SORT1: variants seen among roughly 807,000 people sequenced by gnomAD.
SORT1 encodes sortilin.
Under a neutral mutation model 101.7 loss-of-function variants are expected in SORT1, and 39 were observed. The ratio of observed to expected loss-of-function variants is 0.38; its 90% CI spans 0.30 to 0.50. SORT1 has a LOEUF of 0.50. SORT1 is among the 20% of genes least tolerant of loss of function. The pLI, the probability that SORT1 is intolerant of heterozygous loss-of-function variation, is 0.90. For missense variants in SORT1, 878 were observed against 1,040.4 expected, an observed-to-expected ratio of 0.84 and a Z score of 2.15; for synonymous variants, 396 against 393.7, an observed-to-expected ratio of 1.01 and a Z score of -0.07.
chr1:109,373,676 A>C (rs1457601823), intron 1 of SORT1, among the ~76,000 whole-genome samples: 3 of 152,224 alleles, frequency 2.0e-5, no homozygotes, highest in South Asian at 4.1e-4. Flanking sequence ...CAAGACCCAA[A>C]AGGATCAAAC....
chr1:109,324,978 A>T lies in SORT1; in HGVS notation c.1755T>A (p.Ile585=). 1.2e-6 allele frequency: 2 copies of T among 1,613,740 alleles called. No homozygotes were observed. The highest frequency in any genetic ancestry group is 1.7e-6 in the Non-Finnish European group (2 of 1,179,682). Reference sequence around the variant, plus strand: ...TCAGGAAAGATTCTGTGAAGCCCCAAATGCTGATATTCATGGACCTAGCTC... The same window carrying T: ...TCAGGAAAGATTCTGTGAAGCCCCATATGCTGATATTCATGGACCTAGCTC... ...EPGARSMNIS[I]WGFTESFLTS... The change falls in exon 14 of 20, where the codon ATT becomes ATA. Residue 585 remains isoleucine, a synonymous_variant. Coordinates refer to ENST00000256637, the MANE Select transcript of SORT1 (RefSeq NM_002959.7).
chr1:109,369,694 A>G, intron 1 of SORT1, 105 bp from the exon 2 acceptor site: 1 of 789,084 alleles, frequency 1.3e-6, no homozygotes, highest in Non-Finnish European at 2.2e-6. Flanking sequence ...AATTAAGTTC[A>G]TAATTACAAA....
chr1:109,364,203 C>G (rs182113814), intron 3 of SORT1, among the ~76,000 whole-genome samples: 1 of 152,174 alleles, frequency 6.6e-6, no homozygotes, highest in East Asian at 1.9e-4. Context: ...GGGTTTTTCA[C>G]AAGACTAGAC....
intron 5 of SORT1, among the ~76,000 whole-genome samples, chr1:109,353,032 G>C (rs1444382385): frequency 1.4e-5 from 1 of 70,020 alleles, no homozygotes; most frequent in East Asian, 2.4e-3. Context: ...TCCACTGCTA[G>C]GCTAACTCTG....
rs1653279991 is a variant in SORT1 at position 109,397,711 on chromosome 1, C to G, written c.182G>C (p.Arg61Pro). The G allele has an allele frequency of 8.4e-7, 1 of 1,192,270 alleles. No individual in the cohort carries two copies. Among genetic ancestry groups the G allele is most frequent in the Admixed American group, 4.8e-5 (1 of 20,786 alleles). 73.9% of individuals were successfully genotyped at this position (1,192,270 alleles called of 1,614,324 possible). A position where few individuals can be genotyped will look rare whatever the true frequency, so the allele number is the denominator to read the frequency against. Residue 61 changes from arginine (R) to proline (P), a missense_variant, in exon 1 of 20, where the codon CGG becomes CCG. Arg to Pro is a moderately radical substitution (Grantham distance 103). This residue lies in a region of SORT1 where 194 missense variants were observed against 145.9 expected (regional missense o/e 1.33). Coordinates refer to ENST00000256637, the MANE Select transcript of SORT1 (RefSeq NM_002959.7). ...SGPIGVSWGL[R>P]AAAAGGAFPR... ...AAACGCGCCCCCGGCTGCGGCCGCC[C>G]GCAGCCCCCAGCTCACCCCGATGGG...
rs1658934560 is a variant in SORT1 at position 109,314,745 on chromosome 1, C to T, written c.2284G>A (p.Ala762Thr). ...GTGACCAGCATCAATCCCACGATGG[C>T]CAGGATAATTGGAACAGAATTTGAC... ...SKSNSVPIIL[A>T]IVGLMLVTVV... The change falls in exon 18 of 20, where the codon GCC becomes ACC. Residue 762 changes from alanine (A) to threonine (T), a missense_variant. By Grantham distance (58) the Ala-to-Thr change is moderately conservative. This residue lies in a region of SORT1 where 684 missense variants were observed against 894.5 expected (regional missense o/e 0.76). Transcript: ENST00000256637. The T allele has an allele frequency of 1.2e-6, 2 of 1,610,146 alleles. No homozygotes were observed. Among genetic ancestry groups the T allele is most frequent in the Non-Finnish European group, 8.5e-7 (1 of 1,176,624 alleles).
rs996056345 is a variant in SORT1, at chr1:109,311,002, G to GA, written c.*3040dup. On this transcript the variant is annotated 3_prime_UTR_variant, in exon 20 of 20. Coordinates refer to ENST00000256637, the MANE Select transcript of SORT1 (RefSeq NM_002959.7). ...GAGGTGGGAAGTCCATTCAGAGGCA[G>GA]ACGTAGATTCTACGTTCCAGTTACG... The GA allele has an allele frequency of 2.6e-5, 4 of 152,238 alleles. No individual in the cohort carries two copies. Among genetic ancestry groups the GA allele is most frequent in the Admixed American group, 6.5e-5 (1 of 15,284 alleles). The allele number at this position is 152,238 out of a possible 1,614,324, so 9.4% of individuals were successfully genotyped here.
At position 109,323,029 on chromosome 1, in the gene SORT1, G is replaced by A. The variant is rs1344450411; in HGVS notation, c.1927C>T (p.Leu643=). The A allele has an allele frequency of 6.2e-7, 1 of 1,614,092 alleles. No individual in the cohort carries two copies. Among genetic ancestry groups the A allele is most frequent in the Admixed American group, 1.7e-5 (1 of 60,006 alleles). ...CACACGGATGACTTGCGTAGCCGCA[G>A]AAACTGTTCTTTGTAGCCCAAAATG... ...GCILGYKEQF[L]RLRKSSVCQN... The change falls in exon 15 of 20, where the codon CTG becomes TTG. Residue 643 remains leucine (L), a synonymous_variant. Coordinates refer to ENST00000256637, the MANE Select transcript of SORT1 (RefSeq NM_002959.7).
intron 8 of SORT1, among the ~76,000 whole-genome samples, chr1:109,343,798 G>A (rs553908807): frequency 6.6e-5 from 10 of 152,102 alleles, no homozygotes; most frequent in East Asian, 3.9e-4. Flanking sequence ...ACAGGCCTGC[G>A]CCACCACGCT....
At chr1:109,319,779 A>C (rs1647496657) in intron 15 of SORT1, among the ~76,000 whole-genome samples, 1 of 152,002 alleles carries the variant, frequency 6.6e-6, no homozygotes, top group South Asian at 2.1e-4. Flanking sequence ...AGGCAGAAGA[A>C]TCGCTTGAAC....
chr1:109,363,366 A>G (rs1168145513), intron 3 of SORT1, among the ~76,000 whole-genome samples: 1 of 152,198 alleles, frequency 6.6e-6, no homozygotes, highest in Non-Finnish European at 1.5e-5. Context: ...TCCATTATAA[A>G]ACTAATATTC....
intron 15 of SORT1, among the ~76,000 whole-genome samples, chr1:109,318,312 C>G (rs1297416233): frequency 6.6e-6 from 1 of 152,200 alleles, no homozygotes; most frequent in Non-Finnish European, 1.5e-5. Context: ...GCCACCATGC[C>G]TGGCTAATTT....
chr1:109,378,251 A>G (rs938922129), intron 1 of SORT1, among the ~76,000 whole-genome samples: 2 of 152,146 alleles, frequency 1.3e-5, no homozygotes, highest in African/African-American at 4.8e-5. Flanking sequence ...TAAAAGAATA[A>G]TAATAAGAAG....
At chr1:109,352,961 G>C (rs1439961275) in intron 5 of SORT1, among the ~76,000 whole-genome samples, 1 of 152,116 alleles carries the variant, frequency 6.6e-6, no homozygotes, top group Non-Finnish European at 1.5e-5. Context: ...CCAATTTCCA[G>C]GAATTGTTGT....
intron 7 of SORT1, among the ~76,000 whole-genome samples, chr1:109,346,272 C>A (rs1183621020): frequency 2.0e-5 from 3 of 149,628 alleles, no homozygotes; most frequent in Non-Finnish European, 4.4e-5. Context: ...GAGATCGCGC[C>A]ACTGTGCTCC....
chr1:109,350,920 G>A lies in SORT1; in HGVS notation c.782+9C>T. 1 of 1,595,064 alleles carries A rather than the reference G, an allele frequency of 6.3e-7. No individual in the cohort carries two copies. Among genetic ancestry groups the A allele is most frequent in the Non-Finnish European group, 8.6e-7 (1 of 1,162,586 alleles). ...GGGCTCTGCACAGATGGAGTCTTCT[G>A]TTACTCACCATTTGGCCAAACATAC... On this transcript the variant is annotated intron_variant, in intron 6 of 19. Coordinates refer to ENST00000256637, the MANE Select transcript of SORT1 (RefSeq NM_002959.7).
At chr1:109,379,743 A>C (rs1652102291) in intron 1 of SORT1, among the ~76,000 whole-genome samples, 1 of 152,200 alleles carries the variant, frequency 6.6e-6, no homozygotes, top group Non-Finnish European at 1.5e-5. Context: ...ATCCCATGAC[A>C]GAGTTACTGG....
At chr1:109,396,308 G>A (rs928152311) in intron 1 of SORT1, among the ~76,000 whole-genome samples, 1 of 152,118 alleles carries the variant, frequency 6.6e-6, no homozygotes, top group Non-Finnish European at 1.5e-5. Context: ...GCTAGCTCAA[G>A]GAAGGAAGTG....
intron 6 of SORT1, among the ~76,000 whole-genome samples, chr1:109,347,908 C>T (rs889084650): frequency 4.6e-5 from 7 of 152,196 alleles, no homozygotes; most frequent in African/African-American, 4.8e-5. Flanking sequence ...ATGCACAGGA[C>T]GGTCCTCCAC....
Sources: gnomAD v4.1 joint callset for allele counts (sites outside exome capture counted in the v4.1 genomes callset) on GRCh38, gnomAD v4.1.1 for gene constraint, gnomAD v4.1.1 regional missense constraint, MANE v1.5 for transcripts, NCBI Gene and HGNC (gene_info 2026-07-23, HGNC 2026-07-21) for gene names.